PDE1C: variants seen among roughly 807,000 people sequenced by gnomAD.
The protein encoded by PDE1C is phosphodiesterase 1C.
PDE1C carries 62 observed loss-of-function variants against 93.1 expected under a neutral mutation model. The observed-to-expected ratio is 0.67, with a 90% CI of 0.54 to 0.82. PDE1C has a LOEUF of 0.82. Among genes scored for constraint, PDE1C ranks in the 40% least tolerant of loss-of-function variants. The pLI is 0.00. For synonymous variants in PDE1C, 325 were observed against 310.1 expected (o/e 1.05, Z -0.50); for missense variants, 742 against 884.6 (o/e 0.84, Z 2.04).
chr7:32,274,355 G>T (rs1178142042), intron 1 of PDE1C, among the ~76,000 whole-genome samples: 1 of 148,328 alleles, frequency 6.7e-6, no homozygotes, highest in Non-Finnish European at 1.5e-5. Context: ...CCACAGGTGT[G>T]CACCAGCATG....
chr7:31,727,582 C>T, the PDE1C span, among the ~76,000 whole-genome samples: 2 of 152,162 alleles, frequency 1.3e-5, no homozygotes, highest in Non-Finnish European at 2.9e-5. Context: ...TATTGTCTCT[C>T]TCTTCATTTT....
intron 2 of PDE1C, among the ~76,000 whole-genome samples, chr7:31,925,499 G>A (rs1803259155): frequency 6.6e-6 from 1 of 151,894 alleles, no homozygotes; most frequent in Admixed American, 6.6e-5. Flanking sequence ...GATGTCCAAT[G>A]TGTATAGTAT....
intron 1 of PDE1C, among the ~76,000 whole-genome samples, chr7:32,359,352 G>A (rs1219856272): frequency 6.6e-6 from 1 of 152,126 alleles, no homozygotes; most frequent in Non-Finnish European, 1.5e-5. Context: ...GTACTTTACT[G>A]TCTGGCTCTC....
rs1429382616 is a variant in PDE1C, at chr7:32,193,758, G to C, written c.136+15731C>G. Among the ~76,000 whole-genome samples, 4 of 152,132 alleles carry C rather than the reference G, an allele frequency of 2.6e-5. No individual in the cohort carries two copies. The East Asian group carries it at 7.7e-4, about 29-fold the overall frequency. ...TCTTTAGAAATTTGCTAGAATATTT[G>C]AGTCACACCATGTGGACTCAAGAGA... On this transcript the variant is annotated intron_variant, in intron 2 of 18. Transcript: ENST00000396193.
chr7:32,314,373 C>T (rs77161502), intron 1 of PDE1C, among the ~76,000 whole-genome samples: 6,505 of 152,200 alleles, frequency 0.043, 197 homozygotes, highest in African/African-American at 0.082. Flanking sequence ...TAATATTTAG[C>T]AGGCCAGCAA....
At chr7:32,219,198 G>A (rs988560775) in intron 1 of PDE1C, among the ~76,000 whole-genome samples, 1 of 152,180 alleles carries the variant, frequency 6.6e-6, no homozygotes, top group African/African-American at 2.4e-5. Context: ...GTGGCCTGGA[G>A]TGACTAGTAG....
intron 1 of PDE1C, among the ~76,000 whole-genome samples, chr7:32,362,571 G>A (rs1389283675): frequency 3.9e-5 from 6 of 152,162 alleles, no homozygotes; most frequent in Non-Finnish European, 7.3e-5. Context: ...CCTGAAAAGA[G>A]AGGAACACAC....
chr7:32,186,092 T>TG (rs1803837690), intron 2 of PDE1C, among the ~76,000 whole-genome samples: 3 of 19,980 alleles, frequency 1.5e-4, no homozygotes, highest in Admixed American at 1.2e-3. Flanking sequence ...TTTTTGTTTT[T>TG]TTTTTTTTTT....
chr7:32,358,247 A>G (rs1784068325), intron 1 of PDE1C, among the ~76,000 whole-genome samples: 1 of 152,238 alleles, frequency 6.6e-6, no homozygotes, highest in Admixed American at 6.5e-5. Flanking sequence ...AGCTTGCCAA[A>G]CACAAGAGTA....
chr7:32,051,483 C>T, intron 2 of PDE1C, 71 bp downstream of exon 2: 2 of 1,441,846 alleles, frequency 1.4e-6, no homozygotes, highest in South Asian at 2.3e-5. Flanking sequence ...TCCAGTCCAC[C>T]ATGAGCCAGA....
At chr7:31,943,940 A>T (rs1806206411) in intron 2 of PDE1C, among the ~76,000 whole-genome samples, 1 of 152,198 alleles carries the variant, frequency 6.6e-6, no homozygotes, top group South Asian at 2.1e-4. Flanking sequence ...AAACCAAGTA[A>T]GACAAAATTC....
the PDE1C span, among the ~76,000 whole-genome samples, chr7:31,742,388 G>A: frequency 2.0e-5 from 3 of 152,164 alleles, no homozygotes; most frequent in African/African-American, 4.8e-5. Context: ...TTAGAGCCTT[G>A]GGACTACATT....
In PDE1C at chr7:31,818,727, T is replaced by C. The variant is rs186584032; in HGVS notation, c.1583-2573A>G. 7.9e-5 allele frequency among the ~76,000 whole-genome samples: 12 copies of C among 152,252 alleles called. No individual in the cohort carries two copies. The East Asian group carries it at 2.3e-3, about 29-fold the overall frequency. Reference sequence around the variant, plus strand: ...AAACTGAGGCAAGGAAGAGGAGAATTCATTCATACCCAGAACCTGGTATCA... The same window carrying C: ...AAACTGAGGCAAGGAAGAGGAGAATCCATTCATACCCAGAACCTGGTATCA... On this transcript the variant is annotated intron_variant, in intron 14 of 17. Coordinates refer to ENST00000396191, the MANE Select transcript of PDE1C (RefSeq NM_001191057.4).
intron 3 of PDE1C, among the ~76,000 whole-genome samples, chr7:32,110,709 G>T (rs759766646): frequency 6.6e-6 from 1 of 152,132 alleles, no homozygotes; most frequent in Non-Finnish European, 1.5e-5. Context: ...ATTGGAAGAT[G>T]ACTTTAATTG....
chr7:32,142,637 C>T (rs1245697315), intron 3 of PDE1C, among the ~76,000 whole-genome samples: 1 of 152,122 alleles, frequency 6.6e-6, no homozygotes, highest in Non-Finnish European at 1.5e-5. Flanking sequence ...TAAGACATCC[C>T]ACACCATCCA....
chr7:32,346,220 A>G (rs952772524), intron 1 of PDE1C, among the ~76,000 whole-genome samples: 1 of 152,244 alleles, frequency 6.6e-6, no homozygotes, highest in African/African-American at 2.4e-5. Context: ...TATGGTCACC[A>G]TTTTGAAATT....
intron 1 of PDE1C, among the ~76,000 whole-genome samples, chr7:32,221,738 T>G (rs1477908004): frequency 1.9e-5 from 2 of 107,398 alleles, no homozygotes; most frequent in Non-Finnish European, 4.8e-5. Context: ...TCTTCAGCAA[T>G]GTTTTTTTGA....
chr7:31,758,439 G>T (rs1162846781), intron 17 of PDE1C, among the ~76,000 whole-genome samples: 1 of 152,160 alleles, frequency 6.6e-6, no homozygotes, highest in Non-Finnish European at 1.5e-5. Context: ...CCTATTGTGT[G>T]CTATTGATAT....
At chr7:32,310,349 GA>G (rs1201781372) in intron 1 of PDE1C, among the ~76,000 whole-genome samples, 1 of 152,138 alleles carries the variant, frequency 6.6e-6, no homozygotes. Flanking sequence ...CAATGAGACA[GA>G]AAGTTAGCAA....
Sources: allele counts gnomAD v4.1 joint callset (sites outside exome capture counted in the v4.1 genomes callset), GRCh38; gene constraint gnomAD v4.1.1; transcripts MANE v1.5; gene names NCBI Gene and HGNC (gene_info 2026-07-23, HGNC 2026-07-21).